Variants in ICE2 observed in about 807,000 individuals in gnomAD.
ICE2 encodes the protein little elongation complex subunit 2.
In ICE2, 87 loss-of-function variants were observed where a neutral mutation model predicts 105.4. That is an observed-to-expected ratio of 0.83 (90% CI 0.69 to 0.99). The LOEUF (loss-of-function observed/expected upper bound fraction) is 0.99. Among genes scored for constraint, ICE2 ranks in the 50% least tolerant of loss-of-function variants. The pLI, the probability that ICE2 is intolerant of heterozygous loss-of-function variation, is 0.00. For synonymous variants in ICE2, 399 were observed against 392.0 expected (o/e 1.02, Z -0.21); for missense variants, 1,323 against 1,146.7 (o/e 1.15, Z -2.22).
At chr15:60,441,355 C>G (rs2063716284) in intron 12 of ICE2, 1 of 152,122 alleles carries the variant, frequency 6.6e-6, no homozygotes, top group African/African-American at 2.4e-5. Flanking sequence ...AAACAAAATA[C>G]TGATTAACCA....
chr15:60,428,257 G>T (rs1282750097), intron 15 of ICE2, among the ~76,000 whole-genome samples, 172 bp downstream of exon 15: 1 of 152,118 alleles, frequency 6.6e-6, no homozygotes, highest in Non-Finnish European at 1.5e-5. Flanking sequence ...CCACTACCAC[G>T]AAGACTGGAC....
At chr15:60,444,277 T>C (rs1403004943) in intron 11 of ICE2, among the ~76,000 whole-genome samples, 1 of 152,158 alleles carries the variant, frequency 6.6e-6, no homozygotes, top group Non-Finnish European at 1.5e-5. Flanking sequence ...GCAAATACTT[T>C]GGGAGATTTT....
intron 3 of ICE2, among the ~76,000 whole-genome samples, chr15:60,470,239 G>T (rs139629907): frequency 1.7e-3 from 265 of 152,276 alleles, no homozygotes; most frequent in Admixed American, 1.6e-3. Context: ...AAGTAGATAT[G>T]TACATCAACA....
chr15:60,428,372 T>G (rs1196540614), intron 15 of ICE2, 57 bp downstream of exon 15: 2 of 1,537,310 alleles, frequency 1.3e-6, no homozygotes, highest in Non-Finnish European at 1.8e-6. Flanking sequence ...GTAAAGTCAG[T>G]GAAATAGACG....
chr15:60,441,775 GA>G lies in ICE2; in HGVS notation c.2425+640del, dbSNP rs1202791751. 3 of 152,276 alleles carry G rather than the reference GA, an allele frequency of 2.0e-5. No individual in the cohort carries two copies. The East Asian group carries it at 5.8e-4, about 29-fold the overall frequency. The allele number at this position is 152,276 out of a possible 1,614,324, so 9.4% of individuals were successfully genotyped here. A position where few individuals can be genotyped will look rare whatever the true frequency, so the allele number is the denominator to read the frequency against. ...TTATGTGAGGATGTTAACTGTACAT[GA>G]AATGAGCCAATGCAAATTGAACTTC... On this transcript the variant is annotated intron_variant, in intron 12 of 15. Coordinates refer to ENST00000261520, the MANE Select transcript of ICE2 (RefSeq NM_024611.6).
At chr15:60,442,617 A>T in intron 11 of ICE2, 72 bp from the exon 12 acceptor site, 1 of 1,209,448 alleles carries the variant, frequency 8.3e-7, no homozygotes, top group East Asian at 2.6e-5. Flanking sequence ...TTGCCTATAC[A>T]GCTTTGCCAC....
intron 13 of ICE2, among the ~76,000 whole-genome samples, chr15:60,434,361 C>T (rs917065995): frequency 2.0e-5 from 3 of 152,174 alleles, no homozygotes; most frequent in Admixed American, 6.5e-5. Flanking sequence ...TGGAGTAAAA[C>T]GTTTGCTTCC....
intron 2 of ICE2, among the ~76,000 whole-genome samples, chr15:60,477,352 G>A (rs904623695): frequency 2.0e-5 from 3 of 152,126 alleles, no homozygotes; most frequent in Non-Finnish European, 4.4e-5. Flanking sequence ...GTCTGAGTCA[G>A]GTACTATTTT....
intron 5 of ICE2, among the ~76,000 whole-genome samples, chr15:60,459,469 A>G (rs927066561): frequency 5.9e-5 from 9 of 152,218 alleles, no homozygotes; most frequent in African/African-American, 1.7e-4. Context: ...CAAATAAACA[A>G]AAATGGAGAC....
rs1296019088 is a variant in ICE2 at position 60,422,896 on chromosome 15, A to G, written c.*738T>C. The G allele has an allele frequency of 6.6e-6, 1 of 152,326 alleles. No individual in the cohort carries two copies. Among genetic ancestry groups the G allele is most frequent in the African/African-American group, 2.4e-5 (1 of 41,446 alleles). The allele number at this position is 152,326 out of a possible 1,614,324, so 9.4% of individuals were successfully genotyped here. ...TAACCTTGTCATCTGGAGCAATGAC[A>G]CTGACTTTTTTTCTGGAAAACATAC... is the stretch of plus-strand genomic sequence containing the variant. On this transcript the variant is annotated 3_prime_UTR_variant, in exon 16 of 16. Coordinates refer to ENST00000261520, the MANE Select transcript of ICE2 (RefSeq NM_024611.6).
chr15:60,449,962 T>C (rs958061267), intron 9 of ICE2, 121 bp from the exon 10 acceptor site: 17 of 742,946 alleles, frequency 2.3e-5, no homozygotes, highest in Non-Finnish European at 3.1e-5. Flanking sequence ...AAAAGTCTAA[T>C]GGTTGTAAAA....
At chr15:60,459,687 T>C (rs1333242905) in intron 5 of ICE2, among the ~76,000 whole-genome samples, 1 of 152,270 alleles carries the variant, frequency 6.6e-6, no homozygotes, top group East Asian at 1.9e-4. Context: ...AAAAATAGCA[T>C]ACAAGTCAAG....
chr15:60,454,270 T>C (rs1372716013), intron 8 of ICE2, among the ~76,000 whole-genome samples: 4 of 152,138 alleles, frequency 2.6e-5, no homozygotes, highest in African/African-American at 9.7e-5. Flanking sequence ...AATATGCAAA[T>C]ATTAATTTTA....
At chr15:60,475,991 T>G in intron 3 of ICE2, 72 bp downstream of exon 3, 1 of 946,030 alleles carries the variant, frequency 1.1e-6, no homozygotes, top group South Asian at 1.7e-5. Flanking sequence ...ATACTAGAGA[T>G]ACACATAAAA....
Position 60,455,029 on chromosome 15 carries a change from A to G in ICE2, c.917T>C (p.Val306Ala), listed in dbSNP as rs2064065565. The G allele has an allele frequency of 1.3e-6, 2 of 1,570,570 alleles. No homozygotes were observed. Among genetic ancestry groups the G allele is most frequent in the Admixed American group, 4.2e-5 (2 of 47,450 alleles). ...TGCAACAGGTATTACTTGAATACAC[A>G]CTGGAATTTCCCACTGTTCCTTGTA... ...PTYKEQWEIP[V>A]CIQVIPVAGS... is the part of the protein sequence containing the mutation. The change falls in exon 8 of 16, where the codon GTG becomes GCG. Residue 306 changes from valine to alanine, a missense_variant. By Grantham distance (64) the Val-to-Ala change is moderately conservative. Transcript: ENST00000261520.
chr15:60,429,320 G>T (rs2063404603), intron 14 of ICE2, among the ~76,000 whole-genome samples: 1 of 152,092 alleles, frequency 6.6e-6, no homozygotes, highest in African/African-American at 2.4e-5. Flanking sequence ...TTAATTTAGG[G>T]TGATAAATAA....
At chr15:60,454,881 G>T in intron 8 of ICE2, 122 bp downstream of exon 8, 2 of 830,576 alleles carry the variant, frequency 2.4e-6, no homozygotes, top group South Asian at 2.1e-5. Context: ...ACAGGCCCCG[G>T]TGTGTGTTGT....
intron 2 of ICE2, among the ~76,000 whole-genome samples, chr15:60,477,416 A>G (rs2064793711): frequency 2.6e-5 from 4 of 152,198 alleles, no homozygotes; most frequent in Admixed American, 2.6e-4. Context: ...GGCTTAGTAA[A>G]TGTGTGTTAA....
intron 9 of ICE2, 103 bp downstream of exon 9, chr15:60,453,500 C>A: frequency 1.3e-6 from 2 of 1,490,690 alleles, no homozygotes. Context: ...AATCTAAAGC[C>A]TGTATTTTTA....
Sources: gnomAD v4.1 joint callset for allele counts (sites outside exome capture counted in the v4.1 genomes callset) on GRCh38, gnomAD v4.1.1 for gene constraint, MANE v1.5 for transcripts, NCBI Gene and HGNC (gene_info 2026-07-23, HGNC 2026-07-21) for gene names.